EZH2: variants seen among roughly 807,000 people sequenced by gnomAD.
EZH2 encodes histone-lysine N-methyltransferase EZH2.
In EZH2, 18 loss-of-function variants were observed where a neutral mutation model predicts 98.4. The observed-to-expected ratio is 0.18, with a 90% CI of 0.13 to 0.27. The LOEUF (loss-of-function observed/expected upper bound fraction) is 0.27, where lower values mean the gene tolerates loss of function less well. EZH2 is among the 10% of genes least tolerant of loss of function. The pLI is 1.00. For synonymous variants in EZH2, 338 were observed against 312.3 expected (o/e 1.08, Z -0.87); for missense variants, 470 against 935.1 (o/e 0.50, Z 6.49).
intron 16 of EZH2, 42 bp downstream of exon 16, chr7:148,811,583 G>C (rs774834482): frequency 6.8e-7 from 1 of 1,461,094 alleles, no homozygotes; most frequent in South Asian, 1.2e-5. Context: ...AGTAAAGTTA[G>C]TATATACAAT....
In EZH2 at chr7:148,814,000, C is replaced by A. The variant is rs587778302; in HGVS notation, c.1810G>T (p.Val604Leu). The change falls in exon 15 of 20, where the codon GTG becomes TTG. Residue 604 changes from valine (V) to leucine (L), a missense_variant. By Grantham distance (32) the Val-to-Leu change is conservative (BLOSUM62 1). Coordinates refer to ENST00000320356, the MANE Select transcript of EZH2 (RefSeq NM_004456.5). The part of the protein sequence containing the change: ...GAADHWDSKN[V>L]SCKNCSIQRG... ...TGAATACTGCAGTTCTTGCAGGACA[C>A]ATTTTTACTGTCCCAATGGTCAGCG... 6.2e-7 allele frequency: 1 copy of A among 1,614,196 alleles called. No individual in the cohort carries two copies. The highest frequency in any genetic ancestry group is 1.1e-5 in the South Asian group (1 of 91,082).
rs779951996 is a variant in EZH2, at chr7:148,827,204, T to C, written c.688A>G (p.Met230Val). ...TCTGCTGTGCCCTTATCTGGAAACA[T>C]TGAGGAAATGGCTTCAAAAATTTTA... The part of the protein sequence containing the change: ...SDKIFEAISS[M>V]FPDKGTAEEL... The change falls in exon 7 of 20, where the codon ATG becomes GTG. Residue 230 changes from methionine to valine, a missense_variant. By Grantham distance (21) the Met-to-Val change is conservative. Coordinates refer to ENST00000320356, the MANE Select transcript of EZH2 (RefSeq NM_004456.5). The C allele has an allele frequency of 6.2e-6, 10 of 1,613,756 alleles. No individual in the cohort carries two copies. Among genetic ancestry groups the C allele is most frequent in the South Asian group, 2.2e-5 (2 of 91,036 alleles).
At chr7:148,879,728 C>T (rs976202317) in intron 1 of EZH2, among the ~76,000 whole-genome samples, 3 of 151,838 alleles carry the variant, frequency 2.0e-5, no homozygotes, top group East Asian at 1.9e-4. Context: ...ATAAATTAGC[C>T]GAGCGTGGTG....
chr7:148,874,291 T>A (rs1171091481), intron 1 of EZH2, among the ~76,000 whole-genome samples: 1 of 152,034 alleles, frequency 6.6e-6, no homozygotes, highest in Non-Finnish European at 1.5e-5. Context: ...AGGAGACTGA[T>A]GTGGGAGGAT....
chr7:148,863,508 C>G (rs1411243524), intron 1 of EZH2, among the ~76,000 whole-genome samples: 1 of 152,120 alleles, frequency 6.6e-6, no homozygotes, highest in Non-Finnish European at 1.5e-5. Flanking sequence ...AAGATATCAT[C>G]AGTAGTTACA....
At chr7:148,870,482 A>G (rs1017737494) in intron 1 of EZH2, among the ~76,000 whole-genome samples, 1 of 152,100 alleles carries the variant, frequency 6.6e-6, no homozygotes, top group Non-Finnish European at 1.5e-5. Flanking sequence ...GTGGGAGATC[A>G]CTTGATCCTA....
At position 148,861,803 on chromosome 7, in the gene EZH2, T is replaced by TTA. The variant is rs541590314; in HGVS notation, c.-7-14499_-7-14498insTA. ...CTGAGCAACATAGCCTTCTTTTATT[T>TTA]AAAAAAAAAAAAAAAAAATTAATTA... On this transcript the variant is annotated intron_variant, in intron 1 of 19. Coordinates refer to ENST00000320356, the MANE Select transcript of EZH2 (RefSeq NM_004456.5). Among the ~76,000 whole-genome samples, 54 of 143,516 alleles carry TTA rather than the reference T, an allele frequency of 3.8e-4. No homozygotes were observed. The South Asian group carries it at 8.4e-3, about 22-fold the overall frequency. 94.2% of individuals were successfully genotyped at this position (143,516 alleles called of 152,430 possible). A position where few individuals can be genotyped will look rare whatever the true frequency, so the allele number is the denominator to read the frequency against.
intron 5 of EZH2, 107 bp downstream of exon 5, chr7:148,829,621 A>C: frequency 7.9e-7 from 1 of 1,271,796 alleles, no homozygotes; most frequent in Non-Finnish European, 1.1e-6. Flanking sequence ...TCAGTGCAAA[A>C]CTTAATTTTA....
chr7:148,878,165 G>C (rs182863616), intron 1 of EZH2, among the ~76,000 whole-genome samples: 3 of 152,180 alleles, frequency 2.0e-5, no homozygotes, highest in African/African-American at 7.2e-5. Context: ...CAATTCTGTG[G>C]CATTAAATAT....
chr7:148,882,635 ACT>A (rs1342406563), intron 1 of EZH2, among the ~76,000 whole-genome samples: 3 of 152,338 alleles, frequency 2.0e-5, no homozygotes, highest in African/African-American at 7.2e-5. Flanking sequence ...TAGAAAATAA[ACT>A]CCAAAACCCC....
chr7:148,818,384 A>G (rs1345715540), intron 9 of EZH2, among the ~76,000 whole-genome samples: 1 of 152,216 alleles, frequency 6.6e-6, no homozygotes, highest in Non-Finnish European at 1.5e-5. Context: ...TTTGTAAAAT[A>G]TATTAGCTAG....
intron 1 of EZH2, among the ~76,000 whole-genome samples, chr7:148,847,535 A>C (rs946578774): frequency 1.3e-5 from 2 of 152,192 alleles, no homozygotes; most frequent in Non-Finnish European, 2.9e-5. Flanking sequence ...TTCTACACTA[A>C]ATTGCGGCCA....
rs139428427 is a variant in EZH2 at position 148,811,238 on chromosome 7, C to T, written c.1947+387G>A. On this transcript the variant is annotated intron_variant, in intron 16 of 19. Transcript: ENST00000320356. ...CTCACTGCAGCCTCAACCTCCCAGG[C>T]TCTTCCAGGCTCAAGCGATCTTCCT... Among the ~76,000 whole-genome samples the T allele has an allele frequency of 1.8e-3, 276 of 152,314 alleles. 1 individual carries two copies. Among genetic ancestry groups the T allele is most frequent in the African/African-American group, 6.3e-3 (260 of 41,574 alleles).
rs780291696 is a variant in EZH2, at chr7:148,813,938, C to T, written c.1851+21G>A. The T allele has an allele frequency of 1.9e-6, 3 of 1,603,420 alleles. No individual in the cohort carries two copies. In the Admixed American group the frequency reaches 5.1e-5, roughly 27 times the overall value. ...AAATAGCTAACTACAAACAATCTTCCAGAAGTGACTTGTTGCTCACCTTTT... is the reference window on the plus strand; with the variant it reads ...AAATAGCTAACTACAAACAATCTTCTAGAAGTGACTTGTTGCTCACCTTTT... On this transcript the variant is annotated intron_variant, in intron 15 of 19. Transcript: ENST00000320356.
intron 1 of EZH2, among the ~76,000 whole-genome samples, 176 bp from the exon 2 acceptor site, chr7:148,847,481 T>C (rs1233525592): frequency 6.6e-6 from 1 of 152,238 alleles, no homozygotes; most frequent in Non-Finnish European, 1.5e-5. Context: ...AACACTTCAT[T>C]GAAAGTTTAA....
intron 3 of EZH2, among the ~76,000 whole-genome samples, chr7:148,841,606 T>A (rs114423065): frequency 6.6e-6 from 1 of 152,176 alleles, no homozygotes; most frequent in African/African-American, 2.4e-5. Flanking sequence ...CTATAGGGCC[T>A]ATAATCCTGC....
At chr7:148,871,852 G>C (rs923292596) in intron 1 of EZH2, among the ~76,000 whole-genome samples, 2 of 152,112 alleles carry the variant, frequency 1.3e-5, no homozygotes, top group Admixed American at 1.3e-4. Flanking sequence ...GGGATTACAG[G>C]CATCAGCCAC....
At chr7:148,849,689 CATCAAAGATGAGA>C (rs1815172742) in intron 1 of EZH2, among the ~76,000 whole-genome samples, 1 of 152,154 alleles carries the variant, frequency 6.6e-6, no homozygotes, top group Non-Finnish European at 1.5e-5. Flanking sequence ...GACCAAAGGA[CATCAAAGATGAGA>C]AGAAACTGGA....
At chr7:148,812,273 G>T (rs1004856253) in intron 15 of EZH2, among the ~76,000 whole-genome samples, 22 of 152,194 alleles carry the variant, frequency 1.4e-4, no homozygotes, top group African/African-American at 5.3e-4. Flanking sequence ...GATAACACAA[G>T]AAACTACCGG....
Sources: allele counts gnomAD v4.1 joint callset (sites outside exome capture counted in the v4.1 genomes callset), GRCh38; gene constraint gnomAD v4.1.1; transcripts MANE v1.5; gene names NCBI Gene and HGNC (gene_info 2026-07-23, HGNC 2026-07-21).